Variants in CAMTA1 observed in about 807,000 individuals in gnomAD.
CAMTA1 encodes calmodulin binding transcription activator 1, also known as calmodulin-binding transcription activator 1.
Under a neutral mutation model 170.9 loss-of-function variants are expected in CAMTA1, and 27 were observed. That is an observed-to-expected ratio of 0.16 (90% CI 0.12 to 0.22). The LOEUF is 0.22. CAMTA1 is among the 10% of genes least tolerant of loss of function. The probability of loss-of-function intolerance (pLI) is 1.00; values close to 1 mark genes in which losing one functional copy is unlikely to be tolerated. For missense variants in CAMTA1, 1,619 were observed against 2,217.2 expected, an observed-to-expected ratio of 0.73 and a Z score of 5.42; for synonymous variants, 833 against 891.5, an observed-to-expected ratio of 0.93 and a Z score of 1.17.
chr1:7,455,130 G>C lies in CAMTA1; in HGVS notation c.439-12700G>C, dbSNP rs1040368714. Among the ~76,000 whole-genome samples, 17 of 152,142 alleles carry C rather than the reference G, an allele frequency of 1.1e-4. No individual in the cohort carries two copies. Among genetic ancestry groups the C allele is most frequent in the African/African-American group, 4.1e-4 (17 of 41,416 alleles). Reference sequence around the variant, plus strand: ...TGTTTGAGGCACATTTGTTTTCAGGGGAAGGGGCGCTGCTGTGCAGACCCT... The same window carrying C: ...TGTTTGAGGCACATTTGTTTTCAGGCGAAGGGGCGCTGCTGTGCAGACCCT... On this transcript the variant is annotated intron_variant, in intron 5 of 22. Transcript: ENST00000303635. This position sits in a 1 kb window ranked among gnomAD's most constrained non-coding sequence, Gnocchi z 5.0.
At chr1:6,847,222 C>G (rs1334126457) in intron 3 of CAMTA1, among the ~76,000 whole-genome samples, 2 of 151,780 alleles carry the variant, frequency 1.3e-5, no homozygotes, top group Non-Finnish European at 2.9e-5. Flanking sequence ...TCAGGCATGT[C>G]TCGAACTCCT....
At chr1:6,864,471 G>T (rs1665890124) in intron 3 of CAMTA1, among the ~76,000 whole-genome samples, 1 of 152,116 alleles carries the variant, frequency 6.6e-6, no homozygotes, top group Non-Finnish European at 1.5e-5. Flanking sequence ...GCTTCTTGTT[G>T]TACTTGAGAT....
At chr1:7,704,926 G>C (rs1299472041) in intron 11 of CAMTA1, among the ~76,000 whole-genome samples, 2 of 144,722 alleles carry the variant, frequency 1.4e-5, no homozygotes, top group East Asian at 2.0e-4. Context: ...GCTAGGCGGA[G>C]GGCGCGTGCG....
chr1:7,339,091 G>T (rs1296922031), intron 5 of CAMTA1, among the ~76,000 whole-genome samples: 1 of 152,086 alleles, frequency 6.6e-6, no homozygotes, highest in Non-Finnish European at 1.5e-5. Flanking sequence ...CTCCCACCAG[G>T]CCCCTCTTCC....
chr1:7,767,793 T>G lies in CAMTA1; in HGVS notation c.*1302T>G, dbSNP rs566609702. On this transcript the variant is annotated 3_prime_UTR_variant, in exon 23 of 23. Transcript: ENST00000303635. ...ACTTTATTTCACTATAAGAGTACTTTATTTTAAATGTTCTTTAGGAGAACA... is the reference window on the plus strand; with the variant it reads ...ACTTTATTTCACTATAAGAGTACTTGATTTTAAATGTTCTTTAGGAGAACA... 2.0e-5 allele frequency: 3 copies of G among 152,188 alleles called. No individual in the cohort carries two copies. The East Asian group carries it at 5.7e-4, about 29-fold the overall frequency. The allele number at this position is 152,188 out of a possible 1,614,324, so 9.4% of individuals were successfully genotyped here.
chr1:7,197,407 G>GCT (rs1024059134), intron 4 of CAMTA1, among the ~76,000 whole-genome samples: 1 of 152,074 alleles, frequency 6.6e-6, no homozygotes, highest in African/African-American at 2.4e-5. Context: ...ACCAGGAGAT[G>GCT]CTCTCTCAGC....
At chr1:7,464,813 C>T (rs562077435) in intron 5 of CAMTA1, among the ~76,000 whole-genome samples, 26 of 151,920 alleles carry the variant, frequency 1.7e-4, no homozygotes, top group Non-Finnish European at 2.9e-4. Flanking sequence ...CACAGCCACC[C>T]GAGAGAAAGG....
chr1:6,979,780 G>A (rs767742754), intron 3 of CAMTA1, among the ~76,000 whole-genome samples: 2 of 151,154 alleles, frequency 1.3e-5, no homozygotes, highest in African/African-American at 2.4e-5. Context: ...GGACACTGTC[G>A]CCTCATGGTG....
chr1:7,667,025 G>A (rs1412581531), intron 9 of CAMTA1, among the ~76,000 whole-genome samples: 1 of 152,036 alleles, frequency 6.6e-6, no homozygotes, highest in African/African-American at 2.4e-5. Flanking sequence ...AGTAGCTGGG[G>A]TTACAGACAC....
At chr1:7,254,323 G>A (rs1397755440) in intron 5 of CAMTA1, among the ~76,000 whole-genome samples, 3 of 150,532 alleles carry the variant, frequency 2.0e-5, no homozygotes, top group Non-Finnish European at 4.4e-5. Context: ...CCAGTGGGTG[G>A]TCACAGCACA....
intron 5 of CAMTA1, among the ~76,000 whole-genome samples, chr1:7,280,746 T>C (rs551655372): frequency 3.3e-5 from 5 of 152,382 alleles, no homozygotes; most frequent in Non-Finnish European, 7.3e-5. Context: ...TCATTTAGCA[T>C]GTAAAGGCAG....
intron 4 of CAMTA1, among the ~76,000 whole-genome samples, chr1:7,163,073 G>A (rs1357936555): frequency 6.6e-6 from 1 of 151,966 alleles, no homozygotes; most frequent in Non-Finnish European, 1.5e-5. Context: ...TGTAACAATA[G>A]TCCCTGAAAC....
At position 7,502,370 on chromosome 1, in the gene CAMTA1, C is replaced by T. The variant is rs116890383; in HGVS notation, c.510+34469C>T. Among the ~76,000 whole-genome samples the T allele has an allele frequency of 1.4e-3, 210 of 152,330 alleles. 1 individual carries two copies. The East Asian group carries it at 0.031, about 23-fold the overall frequency. ...TTTTATTCCTCTAATACAGCCTAGGCAGGATGTAGTACACGAGTTCTCCAG... is the reference window on the plus strand; with the variant it reads ...TTTTATTCCTCTAATACAGCCTAGGTAGGATGTAGTACACGAGTTCTCCAG... On this transcript the variant is annotated intron_variant, in intron 6 of 22. Transcript: ENST00000303635.
intron 5 of CAMTA1, among the ~76,000 whole-genome samples, chr1:7,395,422 C>T (rs1316682538): frequency 1.3e-5 from 2 of 152,014 alleles, no homozygotes; most frequent in Admixed American, 6.6e-5. Flanking sequence ...CTGTTCCATT[C>T]GTCTATATGT....
intron 3 of CAMTA1, among the ~76,000 whole-genome samples, chr1:6,909,136 C>T (rs1325809952): frequency 6.6e-6 from 1 of 152,186 alleles, no homozygotes; most frequent in Admixed American, 6.5e-5. Flanking sequence ...ACAAGGATTT[C>T]CTGGCCTCTA....
chr1:7,758,050 T>A (rs569183756), intron 22 of CAMTA1, among the ~76,000 whole-genome samples: 15 of 152,180 alleles, frequency 9.9e-5, no homozygotes, highest in Non-Finnish European at 2.2e-4. Context: ...AGATAATCTT[T>A]CTTTCCATTT....
chr1:6,884,974 A>G (rs1672781866), intron 3 of CAMTA1, among the ~76,000 whole-genome samples: 1 of 152,246 alleles, frequency 6.6e-6, no homozygotes, highest in Non-Finnish European at 1.5e-5. Context: ...AAGCTTACTC[A>G]TTACATACAT....
At chr1:7,440,451 C>T (rs1343618738) in intron 5 of CAMTA1, among the ~76,000 whole-genome samples, 1 of 152,244 alleles carries the variant, frequency 6.6e-6, no homozygotes, top group Non-Finnish European at 1.5e-5. Flanking sequence ...TCCACGGCAC[C>T]GGCTGAACCT....
At position 7,642,205 on chromosome 1, in the gene CAMTA1, G is replaced by A. The variant is rs2095767679; in HGVS notation, c.664+1652G>A. ...CGCGCTTCATCAGGAGGGGCCTCGT[G>A]AGCCTCTTCAAAATGCTGCCGAGCA... On this transcript the variant is annotated intron_variant, in intron 7 of 22. Coordinates refer to ENST00000303635, the MANE Select transcript of CAMTA1 (RefSeq NM_015215.4). This position sits in a 1 kb window ranked among gnomAD's most constrained non-coding sequence, Gnocchi z 6.3. 6.6e-6 allele frequency among the ~76,000 whole-genome samples: 1 copy of A among 152,218 alleles called. No homozygotes were observed. The highest frequency in any genetic ancestry group is 2.1e-4 in the South Asian group (1 of 4,832).
Sources: allele counts gnomAD v4.1 joint callset (sites outside exome capture counted in the v4.1 genomes callset), GRCh38; gene constraint gnomAD v4.1.1; non-coding constraint Gnocchi (gnomAD v3.1); transcripts MANE v1.5; gene names NCBI Gene and HGNC (gene_info 2026-07-23, HGNC 2026-07-21).